Variants in DLG2 observed in about 807,000 individuals in gnomAD.
DLG2 encodes the protein disks large homolog 2.
A neutral mutation model predicts 132.5 loss-of-function variants in DLG2; 45 were observed. The observed-to-expected ratio is 0.34, with a 90% CI of 0.27 to 0.44. The LOEUF (loss-of-function observed/expected upper bound fraction) is 0.44, where lower values mean the gene tolerates loss of function less well. Among genes scored for constraint, DLG2 ranks in the 20% least tolerant of loss-of-function variants. DLG2 has a pLI of 1.00. For missense variants in DLG2, 1,045 were observed against 1,196.9 expected (o/e 0.87, Z 1.87); for synonymous variants, 424 against 419.6 (o/e 1.01, Z -0.13).
intron 18 of DLG2, among the ~76,000 whole-genome samples, chr11:83,712,731 T>C (rs945529209): frequency 5.3e-5 from 8 of 152,196 alleles, no homozygotes; most frequent in Non-Finnish European, 1.0e-4. Context: ...GAACACTGAA[T>C]GTTCTCACTT....
chr11:84,323,941 T>C (rs1305448895), intron 7 of DLG2, among the ~76,000 whole-genome samples: 7 of 152,102 alleles, frequency 4.6e-5, no homozygotes, highest in Non-Finnish European at 1.5e-5. Context: ...AGGAGTACCT[T>C]ATCTATTTTG....
chr11:84,404,444 C>T (rs775786991), intron 7 of DLG2, among the ~76,000 whole-genome samples: 4 of 152,088 alleles, frequency 2.6e-5, no homozygotes, highest in Admixed American at 6.6e-5. Context: ...CATTGCAGTA[C>T]GTGCCACAGT....
At chr11:84,591,433 G>A (rs977378958) in intron 6 of DLG2, among the ~76,000 whole-genome samples, 1 of 151,730 alleles carries the variant, frequency 6.6e-6, no homozygotes, top group African/African-American at 2.4e-5. Context: ...TTGGGAGGCA[G>A]AGGTGAGAGG....
chr11:84,409,291 T>C (rs2098884428), intron 7 of DLG2, among the ~76,000 whole-genome samples: 1 of 152,138 alleles, frequency 6.6e-6, no homozygotes. Context: ...GGGCCCTTTA[T>C]ACCAGAGGTT....
At chr11:84,548,870 G>A (rs1178105813) in intron 6 of DLG2, among the ~76,000 whole-genome samples, 1 of 152,198 alleles carries the variant, frequency 6.6e-6, no homozygotes, top group Non-Finnish European at 1.5e-5. Context: ...AGGCAGGGAA[G>A]AGGTCTGGAA....
At chr11:84,577,124 C>A (rs2099502432) in intron 6 of DLG2, among the ~76,000 whole-genome samples, 1 of 152,298 alleles carries the variant, frequency 6.6e-6, no homozygotes, top group African/African-American at 2.4e-5. Flanking sequence ...TAAGAAATGC[C>A]TTTTGCCTCC....
chr11:84,555,631 A>C (rs563608147), intron 6 of DLG2, among the ~76,000 whole-genome samples: 16 of 152,184 alleles, frequency 1.1e-4, no homozygotes. Context: ...CAGAAACAGA[A>C]AGTAAAATGG....
At chr11:84,800,794 T>A (rs956637841) in intron 6 of DLG2, 3 of 152,240 alleles carry the variant, frequency 2.0e-5, no homozygotes, top group African/African-American at 7.2e-5. Context: ...AAACGGATTT[T>A]AACAATTTTA....
chr11:83,797,267 G>T (rs2043068005), intron 17 of DLG2, among the ~76,000 whole-genome samples: 2 of 152,096 alleles, frequency 1.3e-5, no homozygotes, highest in Non-Finnish European at 2.9e-5. Context: ...TGGTGATGAT[G>T]GTAGCTGACA....
intron 7 of DLG2, among the ~76,000 whole-genome samples, chr11:84,260,154 T>TGC (rs2097532547): frequency 1.3e-5 from 2 of 152,146 alleles, no homozygotes. Flanking sequence ...TTTTTTCTAG[T>TGC]GCAGAAATGA....
At chr11:85,505,771 T>C (rs1598054859) in intron 3 of DLG2, among the ~76,000 whole-genome samples, 2 of 152,180 alleles carry the variant, frequency 1.3e-5, no homozygotes, top group East Asian at 3.9e-4. Flanking sequence ...TTTCAATTGA[T>C]TGGAATAGTT....
At chr11:84,719,722 A>AGTT (rs767330808) in intron 6 of DLG2, among the ~76,000 whole-genome samples, 3 of 152,182 alleles carry the variant, frequency 2.0e-5, no homozygotes, top group Non-Finnish European at 4.4e-5. Context: ...TAACTGCGCC[A>AGTT]CCTCTTGATA....
At chr11:84,166,216 C>T (rs753049385) in intron 8 of DLG2, among the ~76,000 whole-genome samples, 2 of 151,948 alleles carry the variant, frequency 1.3e-5, no homozygotes. Flanking sequence ...AAGAATACCC[C>T]CCCAGGGCTG....
intron 3 of DLG2, among the ~76,000 whole-genome samples, chr11:85,348,470 G>A (rs948438574): frequency 2.6e-5 from 4 of 151,948 alleles, no homozygotes; most frequent in African/African-American, 7.3e-5. Context: ...TGATCCGCCC[G>A]CCTCGACCTC....
chr11:84,148,948 T>A (rs1399352604), intron 9 of DLG2, among the ~76,000 whole-genome samples: 2 of 152,190 alleles, frequency 1.3e-5, no homozygotes, highest in Non-Finnish European at 2.9e-5. Context: ...GTGGTTTTGA[T>A]TTGCATTTCT....
intron 9 of DLG2, among the ~76,000 whole-genome samples, chr11:84,137,874 T>C (rs2094669781): frequency 1.3e-5 from 2 of 152,200 alleles, no homozygotes; most frequent in Admixed American, 1.3e-4. Flanking sequence ...CATTACTCTT[T>C]CTTCCCTACT....
At chr11:83,606,952 A>G (rs369353537) in intron 19 of DLG2, among the ~76,000 whole-genome samples, 2 of 152,316 alleles carry the variant, frequency 1.3e-5, no homozygotes, top group East Asian at 1.9e-4. Context: ...AAAAGAAAAA[A>G]AAATTCAGCT....
At chr11:85,485,206 G>A (rs974538721) in intron 3 of DLG2, among the ~76,000 whole-genome samples, 5 of 151,896 alleles carry the variant, frequency 3.3e-5, no homozygotes, top group Non-Finnish European at 7.4e-5. Flanking sequence ...CTGTTGTGGG[G>A]TGGGGAGAGG....
At chr11:85,283,272 TA>T (rs1217464358) in intron 4 of DLG2, among the ~76,000 whole-genome samples, 2 of 150,938 alleles carry the variant, frequency 1.3e-5, no homozygotes, top group South Asian at 2.1e-4. Context: ...ATTACTTTTT[TA>T]AAAAAAAGAA....
Sources: allele counts gnomAD v4.1 joint callset (sites outside exome capture counted in the v4.1 genomes callset), GRCh38; gene constraint gnomAD v4.1.1; transcripts MANE v1.5; gene names NCBI Gene and HGNC (gene_info 2026-07-23, HGNC 2026-07-21).